Variants in ACBD6 observed in about 807,000 individuals in gnomAD.
ACBD6 encodes the protein acyl-CoA-binding domain-containing protein 6.
Under a neutral mutation model 37.2 loss-of-function variants are expected in ACBD6, and 28 were observed. The observed-to-expected ratio is 0.75, with a 90% CI of 0.56 to 1.03. ACBD6 has a LOEUF of 1.03. ACBD6 is among the 50% of genes least tolerant of loss of function. The pLI is 0.00. For missense variants in ACBD6, 340 were observed against 337.4 expected, an observed-to-expected ratio of 1.01 and a Z score of -0.06; for synonymous variants, 113 against 126.8, an observed-to-expected ratio of 0.89 and a Z score of 0.73.
At chr1:180,271,669 A>G in exon 14 of ACBD6, 1 of 1,330,114 alleles carries the variant, frequency 7.5e-7, no homozygotes, top group East Asian at 2.3e-5. Context: ...AACTGAAGAC[A>G]GAGTTCTGAG....
At chr1:180,479,291 A>C (rs1440086846) in intron 3 of ACBD6, among the ~76,000 whole-genome samples, 2 of 152,220 alleles carry the variant, frequency 1.3e-5, no homozygotes, top group Non-Finnish European at 2.9e-5. Context: ...TGGTATATAT[A>C]CACAATGAAA....
intron 1 of ACBD6, among the ~76,000 whole-genome samples, chr1:180,501,432 C>T (rs1246541182): frequency 6.6e-6 from 1 of 152,148 alleles, no homozygotes; most frequent in African/African-American, 2.4e-5. Context: ...CTCACCGCAA[C>T]CTCCGCCTCC....
At chr1:180,481,623 C>A (rs1651045251) in intron 3 of ACBD6, among the ~76,000 whole-genome samples, 1 of 152,076 alleles carries the variant, frequency 6.6e-6, no homozygotes, top group African/African-American at 2.4e-5. Context: ...CTAATAGCAT[C>A]CTACATATCT....
At chr1:180,391,413 G>A (rs567396545) in intron 6 of ACBD6, among the ~76,000 whole-genome samples, 4 of 152,184 alleles carry the variant, frequency 2.6e-5, no homozygotes, top group African/African-American at 9.6e-5. Flanking sequence ...CATCTGAAAC[G>A]AGACTTGTAT....
chr1:180,379,083 C>T (rs1340736370), intron 6 of ACBD6, among the ~76,000 whole-genome samples: 2 of 152,128 alleles, frequency 1.3e-5, no homozygotes, highest in Non-Finnish European at 2.9e-5. Context: ...CACTTGGCAT[C>T]CCAGTCCCCA....
intron 6 of ACBD6, among the ~76,000 whole-genome samples, chr1:180,330,171 A>C (rs766882921): frequency 1.3e-5 from 2 of 152,156 alleles, no homozygotes; most frequent in African/African-American, 2.4e-5. Context: ...TAGTACTTTG[A>C]GAGGCTGAGG....
intron 3 of ACBD6, among the ~76,000 whole-genome samples, chr1:180,451,438 C>T (rs1271252666): frequency 6.6e-6 from 1 of 152,010 alleles, no homozygotes; most frequent in Non-Finnish European, 1.5e-5. Context: ...ATGTTCACAG[C>T]AACATTATTC....
At chr1:180,454,859 G>A (rs1649853589) in intron 3 of ACBD6, among the ~76,000 whole-genome samples, 1 of 152,198 alleles carries the variant, frequency 6.6e-6, no homozygotes, top group South Asian at 2.1e-4. Flanking sequence ...TCATTAAAAA[G>A]TCAGGAAACT....
chr1:180,474,259 A>T (rs1650696602), intron 3 of ACBD6, among the ~76,000 whole-genome samples: 1 of 152,194 alleles, frequency 6.6e-6, no homozygotes, highest in Non-Finnish European at 1.5e-5. Flanking sequence ...CCTGAAACAC[A>T]TCTGGAGTAT....
chr1:180,374,447 C>T (rs1653363222), intron 6 of ACBD6, among the ~76,000 whole-genome samples: 1 of 152,120 alleles, frequency 6.6e-6, no homozygotes, highest in Non-Finnish European at 1.5e-5. Flanking sequence ...AGACTGTTTA[C>T]AATGTGTGAG....
At chr1:180,288,185 T>A (rs763123652), downstream of ACBD6, 10 of 788,720 alleles carry the variant, frequency 1.3e-5, no homozygotes, top group Non-Finnish European at 1.8e-5. Flanking sequence ...AAAACTGTAC[T>A]GCCTAGAATG....
intron 6 of ACBD6, among the ~76,000 whole-genome samples, chr1:180,380,692 A>G (rs908001342): frequency 1.1e-4 from 16 of 152,158 alleles, no homozygotes; most frequent in Non-Finnish European, 2.1e-4. Context: ...ACGTGAAAAT[A>G]TAAAAACCAC....
intron 3 of ACBD6, among the ~76,000 whole-genome samples, chr1:180,490,127 G>C (rs1246787420): frequency 2.0e-5 from 3 of 152,152 alleles, no homozygotes; most frequent in Admixed American, 2.0e-4. Context: ...CACAGTGACT[G>C]GACCTGAAAA....
chr1:180,364,984 T>G (rs1571412877), intron 6 of ACBD6, among the ~76,000 whole-genome samples: 1 of 152,078 alleles, frequency 6.6e-6, no homozygotes, highest in Non-Finnish European at 1.5e-5. Context: ...CCGCCCACCT[T>G]GGCCTCCCAA....
chr1:180,365,957 T>C (rs1020912684), intron 6 of ACBD6, among the ~76,000 whole-genome samples: 12 of 152,208 alleles, frequency 7.9e-5, no homozygotes, highest in African/African-American at 1.4e-4. Flanking sequence ...TCTGTTTACT[T>C]AGTATAACTA....
chr1:180,500,855 G>A (rs1314581117), intron 1 of ACBD6, among the ~76,000 whole-genome samples: 1 of 145,924 alleles, frequency 6.9e-6, no homozygotes, highest in Non-Finnish European at 1.5e-5. Flanking sequence ...AAAAAAAAGT[G>A]AGTGTCATGA....
intron 3 of ACBD6, among the ~76,000 whole-genome samples, chr1:180,462,221 A>G (rs1650175577): frequency 6.6e-6 from 1 of 152,174 alleles, no homozygotes; most frequent in Admixed American, 6.5e-5. Flanking sequence ...TGGACAACAC[A>G]GTGAGACTCC....
chr1:180,500,668 T>C (rs75606631), intron 1 of ACBD6, among the ~76,000 whole-genome samples: 18,672 of 141,322 alleles, frequency 0.13, 1,729 homozygotes, highest in East Asian at 0.37. Flanking sequence ...CACTCCAGCC[T>C]GGGCAACAGG....
At chr1:180,345,946 A>G (rs544871696) in intron 6 of ACBD6, among the ~76,000 whole-genome samples, 3 of 152,300 alleles carry the variant, frequency 2.0e-5, no homozygotes, top group Admixed American at 6.5e-5. Context: ...TTGTTTTACA[A>G]TGTAGCAAAA....
Sources: gnomAD v4.1 joint callset for allele counts (sites outside exome capture counted in the v4.1 genomes callset) on GRCh38, gnomAD v4.1.1 for gene constraint, MANE v1.5 for transcripts, NCBI Gene and HGNC (gene_info 2026-07-23, HGNC 2026-07-21) for gene names.